The following TRIOBP variants were observed in gnomAD, a reference collection of about 807,000 sequenced individuals.
The protein encoded by TRIOBP is TRIO and F-actin-binding protein.
TRIOBP carries 169 observed loss-of-function variants against 238.8 expected under a neutral mutation model. The ratio of observed to expected loss-of-function variants is 0.71; its 90% confidence interval spans 0.62 to 0.80. The LOEUF is 0.80. Ranked by LOEUF, TRIOBP falls within the 30% of genes least tolerant of loss-of-function variation. TRIOBP has a pLI of 0.00. For synonymous variants in TRIOBP, 1,150 were observed against 1,274.4 expected, an observed-to-expected ratio of 0.90 and a Z score of 2.08; for missense variants, 2,838 against 3,122.6, an observed-to-expected ratio of 0.91 and a Z score of 2.17.
chr22:37,757,319 C>T (rs2145869401), intron 15 of TRIOBP, among the ~76,000 whole-genome samples: 1 of 152,294 alleles, frequency 6.6e-6, no homozygotes, highest in African/African-American at 2.4e-5. Context: ...ACTATGATCA[C>T]ACCACTCTAC....
chr22:37,754,901 A>T lies in TRIOBP; in HGVS notation c.5404A>T (p.Thr1802Ser), dbSNP rs200252879. Reference protein sequence around the residue: ...GEPPSPSLTTTSTSQWKKHWF... With the variant: ...GEPPSPSLTTSSTSQWKKHWF... ...GCCTCCCTCCCCCTCGCTCACCACC[A>T]CCTCTACTTCGCAGTGGAAGAAACA... is the stretch of plus-strand genomic sequence containing the variant. The change falls in exon 13 of 24, where the codon ACC becomes TCC. Residue 1802 changes from threonine (T) to serine (S), a missense_variant. Transcript: ENST00000644935. 4.6e-5 allele frequency: 74 copies of T among 1,613,804 alleles called. No homozygotes were observed. In the East Asian group the frequency reaches 1.6e-3, roughly 35 times the overall value.
At chr22:37,767,327 A>G (rs1364608032) in intron 18 of TRIOBP, among the ~76,000 whole-genome samples, 1 of 151,724 alleles carries the variant, frequency 6.6e-6, no homozygotes, top group African/African-American at 2.4e-5. Flanking sequence ...AAAGAAAAAA[A>G]GGAGAGAAAC....
rs778244448 is a variant in TRIOBP at position 37,724,870 on chromosome 22, T to C, written c.2314T>C (p.Cys772Arg). ...CCAACAAGAGAACCTCAGAACATCC[T>C]GTACCCGACAGGACAATCCCAGGAC... Reference protein sequence around the residue: ...TIQQENLRTSCTRQDNPRTSS... With the variant: ...TIQQENLRTSRTRQDNPRTSS... Residue 772 changes from cysteine to arginine, a missense_variant, in exon 7 of 24, where the codon TGT becomes CGT. Transcript: ENST00000644935. 5 of 1,605,846 alleles carry C rather than the reference T, an allele frequency of 3.1e-6. No homozygotes were observed. The East Asian group carries it at 1.1e-4, about 36-fold the overall frequency.
At chr22:37,770,666 C>T (rs1056447735) in intron 21 of TRIOBP, among the ~76,000 whole-genome samples, 5 of 151,262 alleles carry the variant, frequency 3.3e-5, no homozygotes, top group South Asian at 2.1e-4. Flanking sequence ...CGTGAGCCAC[C>T]GTGCCCAGCC....
chr22:37,737,660 C>CAA (rs35569585), intron 9 of TRIOBP, among the ~76,000 whole-genome samples: 4,414 of 92,786 alleles, frequency 0.048, 131 homozygotes, highest in South Asian at 0.084. Context: ...GACTCCATCT[C>CAA]AAAAAAAAAA....
chr22:37,708,412 A>C (rs551406723), intron 3 of TRIOBP, among the ~76,000 whole-genome samples: 1 of 152,254 alleles, frequency 6.6e-6, no homozygotes, highest in African/African-American at 2.4e-5. Context: ...TTAGCCGGGC[A>C]TGGTGTCGGG....
At chr22:37,733,009 GGGCCAT>G in intron 7 of TRIOBP, among the ~76,000 whole-genome samples, 1 of 152,340 alleles carries the variant, frequency 6.6e-6, no homozygotes, top group Admixed American at 6.5e-5. Context: ...AGACAGGAGA[GGGCCAT>G]GGCCAGGGCC....
At chr22:37,710,607 G>A in intron 4 of TRIOBP, 41 bp downstream of exon 4, 7 of 1,591,308 alleles carry the variant, frequency 4.4e-6, no homozygotes, top group Non-Finnish European at 6.0e-6. Flanking sequence ...TTCATGGGGT[G>A]GAATGCCCTC....
chr22:37,707,680 G>A (rs914302985), intron 3 of TRIOBP, among the ~76,000 whole-genome samples: 10 of 151,996 alleles, frequency 6.6e-5, no homozygotes, highest in African/African-American at 1.9e-4. Flanking sequence ...GGTGGCTCAC[G>A]TCTGTAATCC....
chr22:37,741,830 G>A (rs1924948158), intron 11 of TRIOBP, among the ~76,000 whole-genome samples: 2 of 152,192 alleles, frequency 1.3e-5, no homozygotes, highest in South Asian at 4.1e-4. Context: ...AGCCTCGGTT[G>A]CCACATCTGT....
chr22:37,750,551 A>AGAC (rs756170318), intron 11 of TRIOBP: 93 of 440,578 alleles, frequency 2.1e-4, no homozygotes, highest in Non-Finnish European at 4.0e-4. Context: ...CTCAGGTGGA[A>AGAC]GACGGGGTGG....
chr22:37,737,517 C>T (rs896679205), intron 9 of TRIOBP, among the ~76,000 whole-genome samples: 24 of 151,990 alleles, frequency 1.6e-4, no homozygotes, highest in Middle Eastern at 3.4e-3. Context: ...AAAAATTAGC[C>T]GGGCGTGGTG....
At chr22:37,718,397 A>T (rs1036077928) in intron 6 of TRIOBP, among the ~76,000 whole-genome samples, 3 of 152,188 alleles carry the variant, frequency 2.0e-5, no homozygotes, top group Non-Finnish European at 2.9e-5. Flanking sequence ...GCATGCTGTC[A>T]CCTCTCAGTA....
At chr22:37,764,077 C>T (rs1926372234) in intron 17 of TRIOBP, among the ~76,000 whole-genome samples, 3 of 152,246 alleles carry the variant, frequency 2.0e-5, no homozygotes, top group Admixed American at 2.0e-4. Flanking sequence ...CCTTCGTCCA[C>T]TTTTAAGGAC....
In TRIOBP at chr22:37,701,302, C is replaced by A; in HGVS notation, c.-60-4C>A. 1 of 1,351,816 alleles carries A rather than the reference C, an allele frequency of 7.4e-7. No homozygotes were observed. The highest frequency in any genetic ancestry group is 1.0e-6 in the Non-Finnish European group (1 of 958,532). 83.7% of individuals were successfully genotyped at this position (1,351,816 alleles called of 1,614,324 possible). A position where few individuals can be genotyped will look rare whatever the true frequency, so the allele number is the denominator to read the frequency against. ...GGTCTTTGCCTCCCCCTCATTTTTGCCAGGCCTCACATAGACGGTCAGCCA... is the reference window on the plus strand; with the variant it reads ...GGTCTTTGCCTCCCCCTCATTTTTGACAGGCCTCACATAGACGGTCAGCCA... On this transcript the variant is annotated splice_polypyrimidine_tract_variant and splice_region_variant and intron_variant, in intron 2 of 23. Transcript: ENST00000644935.
intron 17 of TRIOBP, chr22:37,759,810 A>G (rs1004907142): frequency 7.6e-7 from 1 of 1,317,852 alleles, no homozygotes; most frequent in African/African-American, 1.5e-5. Flanking sequence ...GTCTGGGAAT[A>G]CTTCTGGTTG....
At position 37,733,342 on chromosome 22, in the gene TRIOBP, G is replaced by C. The variant is rs770531721; in HGVS notation, c.3992G>C (p.Arg1331Pro). 51 of 1,551,318 alleles carry C rather than the reference G, an allele frequency of 3.3e-5. No individual in the cohort carries two copies. The highest frequency in any genetic ancestry group is 4.4e-5 in the Non-Finnish European group (51 of 1,147,404). Reference sequence around the variant, plus strand: ...GCCTTCCAGGCCCAGGACGAGGGACGGTCACAGCAGCCCAGCCAAGGCCAG... The same window carrying C: ...GCCTTCCAGGCCCAGGACGAGGGACCGTCACAGCAGCCCAGCCAAGGCCAG... The part of the protein sequence containing the change: ...AGAFQAQDEG[R>P]SQQPSQGQSQ... Residue 1331 changes from arginine (R) to proline (P), a missense_variant, in exon 8 of 24, where the codon CGG becomes CCG. Physicochemically the swap from Arg to Pro is moderately radical, Grantham distance 103. Transcript: ENST00000644935.
rs1435386226 is a variant in TRIOBP at position 37,738,760 on chromosome 22, G to C, written c.5184+41G>C. The C allele has an allele frequency of 2.5e-6, 4 of 1,604,522 alleles. No individual in the cohort carries two copies. In the African/African-American group the frequency reaches 5.4e-5, roughly 22 times the overall value. On this transcript the variant is annotated intron_variant, in intron 10 of 23. Coordinates refer to ENST00000644935, the MANE Select transcript of TRIOBP (RefSeq NM_001039141.3). Reference sequence around the variant, plus strand: ...GTGTGGGTACATACGGTGGGGAAGGGAGGGGGAAGCAGGTTGGAGATGGGC... The same window carrying C: ...GTGTGGGTACATACGGTGGGGAAGGCAGGGGGAAGCAGGTTGGAGATGGGC...
chr22:37,731,677 G>A (rs954691417), intron 7 of TRIOBP, among the ~76,000 whole-genome samples: 2 of 150,950 alleles, frequency 1.3e-5, no homozygotes, highest in Non-Finnish European at 3.0e-5. Context: ...GGCTGGTCTC[G>A]AACTCCTGAC....
Sources: allele counts gnomAD v4.1 joint callset (sites outside exome capture counted in the v4.1 genomes callset), GRCh38; gene constraint gnomAD v4.1.1; transcripts MANE v1.5; gene names NCBI Gene and HGNC (gene_info 2026-07-23, HGNC 2026-07-21).